TACR3: variants seen among roughly 807,000 people sequenced by gnomAD.
The protein encoded by TACR3 is neuromedin-K receptor.
TACR3 carries 34 observed loss-of-function variants against 35.0 expected under a neutral mutation model. The observed-to-expected ratio is 0.97, with a 90% CI of 0.74 to 1.30. TACR3 has a LOEUF of 1.30. Ranked by LOEUF, TACR3 falls within the 50% of genes most tolerant of loss-of-function variation. The pLI, the probability that TACR3 is intolerant of heterozygous loss-of-function variation, is 0.00. For synonymous variants in TACR3, 233 were observed against 221.1 expected, an observed-to-expected ratio of 1.05 and a Z score of -0.48; for missense variants, 558 against 591.7, an observed-to-expected ratio of 0.94 and a Z score of 0.59.
intron 3 of TACR3, among the ~76,000 whole-genome samples, chr4:103,604,249 A>G (rs1038239001): frequency 2.6e-5 from 4 of 152,180 alleles, no homozygotes; most frequent in African/African-American, 9.7e-5. Flanking sequence ...ATCTACAACC[A>G]TCTGATCTTT....
intron 3 of TACR3, among the ~76,000 whole-genome samples, chr4:103,600,567 G>C (rs1724170849): frequency 6.6e-6 from 1 of 152,112 alleles, no homozygotes; most frequent in Non-Finnish European, 1.5e-5. Context: ...GTCAATTTTA[G>C]ATCTTTCTTG....
chr4:103,669,179 GTATC>G (rs1284981615), intron 1 of TACR3, among the ~76,000 whole-genome samples: 1 of 151,962 alleles, frequency 6.6e-6, no homozygotes, highest in African/African-American at 2.4e-5. Context: ...ATTCTATTAT[GTATC>G]TATTATTAAA....
At chr4:103,642,732 T>C (rs1725382671) in intron 3 of TACR3, among the ~76,000 whole-genome samples, 1 of 151,738 alleles carries the variant, frequency 6.6e-6, no homozygotes. Context: ...AGGAATACAT[T>C]CCAGTGTTTA....
At chr4:103,689,038 G>A (rs1722329153) in intron 1 of TACR3, among the ~76,000 whole-genome samples, 1 of 151,836 alleles carries the variant, frequency 6.6e-6, no homozygotes, top group African/African-American at 2.4e-5. Context: ...AGAAAATGTG[G>A]CACATATACA....
intron 1 of TACR3, among the ~76,000 whole-genome samples, chr4:103,669,410 T>C (rs563485644): frequency 1.3e-5 from 2 of 152,290 alleles, no homozygotes; most frequent in African/African-American, 4.8e-5. Flanking sequence ...TTTTAGTTTT[T>C]TGAGGAACCT....
chr4:103,655,757 T>C (rs1357957929), intron 3 of TACR3, among the ~76,000 whole-genome samples: 1 of 152,032 alleles, frequency 6.6e-6, no homozygotes, highest in Non-Finnish European at 1.5e-5. Context: ...ACAGGAAAGA[T>C]AGATGTATAT....
In TACR3 at chr4:103,643,671, C is replaced by T. The variant is rs554234700; in HGVS notation, c.888+12523G>A. ...AGGATTTTTGTGAGGATGAGTACAA[C>T]GATATATGTCAAAGCTCTATATAAT... On this transcript the variant is annotated intron_variant, in intron 3 of 4. Coordinates refer to ENST00000304883, the MANE Select transcript of TACR3 (RefSeq NM_001059.3). Among the ~76,000 whole-genome samples the T allele has an allele frequency of 7.3e-5, 11 of 151,716 alleles. No individual in the cohort carries two copies. In the East Asian group the frequency reaches 1.6e-3, roughly 21 times the overall value.
rs144765390 is a variant in TACR3, at chr4:103,691,937, T to C, written c.548+27191A>G. ...ATGACTGGCTTGCTGTTAATAAATATGTGCGTAAATCTCTGTTTGGGGCTC... is the reference window on the plus strand; with the variant it reads ...ATGACTGGCTTGCTGTTAATAAATACGTGCGTAAATCTCTGTTTGGGGCTC... On this transcript the variant is annotated intron_variant, in intron 1 of 4. Coordinates refer to ENST00000304883, the MANE Select transcript of TACR3 (RefSeq NM_001059.3). Among the ~76,000 whole-genome samples the C allele has an allele frequency of 4.6e-3, 698 of 152,278 alleles. 7 individuals are homozygous for C. Among genetic ancestry groups the C allele is most frequent in the African/African-American group, 0.016 (656 of 41,566 alleles).
At chr4:103,619,649 G>T (rs1291293517) in intron 3 of TACR3, among the ~76,000 whole-genome samples, 2 of 151,630 alleles carry the variant, frequency 1.3e-5, no homozygotes, top group Non-Finnish European at 2.9e-5. Context: ...GATGTTGGTT[G>T]TGGGTCCGTT....
At chr4:103,646,002 A>T (rs1374598360) in intron 3 of TACR3, among the ~76,000 whole-genome samples, 1 of 151,994 alleles carries the variant, frequency 6.6e-6, no homozygotes, top group Non-Finnish European at 1.5e-5. Flanking sequence ...TGTACATGGC[A>T]CGGAGCTCTT....
chr4:103,701,686 T>C (rs1480791457), intron 1 of TACR3, among the ~76,000 whole-genome samples: 1 of 152,138 alleles, frequency 6.6e-6, no homozygotes, highest in Non-Finnish European at 1.5e-5. Context: ...AGCATGGTAC[T>C]GGTACCAAAA....
At chr4:103,627,019 A>T (rs1724908062) in intron 3 of TACR3, among the ~76,000 whole-genome samples, 1 of 146,748 alleles carries the variant, frequency 6.8e-6, no homozygotes, top group African/African-American at 2.7e-5. Flanking sequence ...TGAAAAATAA[A>T]TAAAAAAAAA....
intron 3 of TACR3, among the ~76,000 whole-genome samples, chr4:103,595,054 A>C (rs1377970628): frequency 6.6e-6 from 1 of 152,130 alleles, no homozygotes; most frequent in African/African-American, 2.4e-5. Flanking sequence ...GAAATGCTGA[A>C]ATCACAAAAC....
intron 1 of TACR3, among the ~76,000 whole-genome samples, chr4:103,700,313 C>A (rs958663983): frequency 6.6e-6 from 1 of 152,106 alleles, no homozygotes; most frequent in African/African-American, 2.4e-5. Context: ...CAACTGGGCC[C>A]ACTGTTGATT....
At chr4:103,612,972 C>T (rs1724544860) in intron 3 of TACR3, among the ~76,000 whole-genome samples, 1 of 152,078 alleles carries the variant, frequency 6.6e-6, no homozygotes, top group Non-Finnish European at 1.5e-5. Flanking sequence ...AGTTGTGATG[C>T]CCTAGATAAA....
At chr4:103,683,470 C>CAAAAAAAAAAAAAAAAAAAA (rs57761679) in intron 1 of TACR3, among the ~76,000 whole-genome samples, 2 of 21,142 alleles carry the variant, frequency 9.5e-5, no homozygotes, top group Non-Finnish European at 8.9e-5. Context: ...AAAGACTGAC[C>CAAAAAAAAAAAAAAAAAAAA]AAAAAAAAAA....
At chr4:103,691,723 G>C (rs7669205) in intron 1 of TACR3, among the ~76,000 whole-genome samples, 18 of 151,982 alleles carry the variant, frequency 1.2e-4, no homozygotes, top group African/African-American at 4.1e-4. Flanking sequence ...AGGAACACCC[G>C]GCCTGCCCAG....
rs139447026 is a variant in TACR3, at chr4:103,719,216, C to T, written c.460G>A (p.Gly154Ser). Reference sequence around the variant, plus strand: ...TTCTGGAAGCGGCAGTAGTTGGCGCCAAAGTACCACTCGCTATGAAGCGCG... The same window carrying T: ...TTCTGGAAGCGGCAGTAGTTGGCGCTAAAGTACCACTCGCTATGAAGCGCG... ...IYALHSEWYF[G>S]ANYCRFQNFF... The change falls in exon 1 of 5, where the codon GGC becomes AGC. Residue 154 changes from glycine to serine, a missense_variant. By Grantham distance (56) the Gly-to-Ser change is moderately conservative. Transcript: ENST00000304883. 5 of 1,614,012 alleles carry T rather than the reference C, an allele frequency of 3.1e-6. No homozygotes were observed. In the African/African-American group the frequency reaches 6.7e-5, roughly 22 times the overall value.
In TACR3 at chr4:103,619,780, T is replaced by C. The variant is rs1041838420; in HGVS notation, c.889-28097A>G. ...TTTTCTGCATTTATTGACATGACAA[T>C]ATGATTTGTGCTATTGATTCTGGTT... On this transcript the variant is annotated intron_variant, in intron 3 of 4. Coordinates refer to ENST00000304883, the MANE Select transcript of TACR3 (RefSeq NM_001059.3). Among the ~76,000 whole-genome samples the C allele has an allele frequency of 8.5e-5, 13 of 152,218 alleles. 1 individual carries two copies. The highest frequency in any genetic ancestry group is 8.5e-4 in the Admixed American group (13 of 15,278).
Sources: gnomAD v4.1 joint callset for allele counts (sites outside exome capture counted in the v4.1 genomes callset) on GRCh38, gnomAD v4.1.1 for gene constraint, MANE v1.5 for transcripts, NCBI Gene and HGNC (gene_info 2026-07-23, HGNC 2026-07-21) for gene names.